Variants in BCL2 observed in about 807,000 individuals in gnomAD.
BCL2 encodes the protein apoptosis regulator Bcl-2.
A neutral mutation model predicts 14.2 loss-of-function variants in BCL2; 1 was observed. The ratio of observed to expected loss-of-function variants is 0.07; its 90% CI spans 0.02 to 0.33. The LOEUF (loss-of-function observed/expected upper bound fraction) is 0.33, where lower values mean the gene tolerates loss of function less well. Ranked by LOEUF, BCL2 falls within the 10% of genes least tolerant of loss-of-function variation. BCL2 has a pLI of 0.99. For synonymous variants in BCL2, 151 were observed against 137.2 expected, an observed-to-expected ratio of 1.10 and a Z score of -0.70; for missense variants, 247 against 305.9, an observed-to-expected ratio of 0.81 and a Z score of 1.44.
Position 63,149,842 on chromosome 18 carries a change from G to C in BCL2, c.586-21083C>G, listed in dbSNP as rs1009974347. Among the ~76,000 whole-genome samples the C allele has an allele frequency of 1.3e-5, 2 of 149,456 alleles. No homozygotes were observed. The highest frequency in any genetic ancestry group is 5.0e-5 in the African/African-American group (2 of 40,218). ...TACAGAAAGGGTTCTCCTGACATGA[G>C]GCATTTATTTATTTATTTATTTATT... On this transcript the variant is annotated intron_variant, in intron 2 of 2. Coordinates refer to ENST00000333681, the MANE Select transcript of BCL2 (RefSeq NM_000633.3). This position sits in a 1 kb window ranked among gnomAD's most constrained non-coding sequence, Gnocchi z 4.2.
At chr18:63,289,629 C>A (rs1387765216) in intron 2 of BCL2, among the ~76,000 whole-genome samples, 1 of 152,276 alleles carries the variant, frequency 6.6e-6, no homozygotes, top group Non-Finnish European at 1.5e-5. Flanking sequence ...AAGGGTGGCT[C>A]ATGCCTATAA....
At chr18:63,317,949 C>T (rs1385521022) in intron 2 of BCL2, 133 bp downstream of exon 2, 2 of 1,474,878 alleles carry the variant, frequency 1.4e-6, no homozygotes. Context: ...GTAGGGACGC[C>T]GGGAAGCAAC....
intron 2 of BCL2, among the ~76,000 whole-genome samples, chr18:63,142,822 A>C (rs73965841): frequency 0.015 from 2,336 of 152,332 alleles, 60 homozygotes; most frequent in African/African-American, 0.053. Flanking sequence ...TTTATGATTT[A>C]GTTCAGTTCA....
At chr18:63,302,879 T>G in intron 2 of BCL2, 2 of 985,376 alleles carry the variant, frequency 2.0e-6, no homozygotes, top group Non-Finnish European at 2.4e-6. Flanking sequence ...AACACTGTGC[T>G]GTTCTGGGCC....
chr18:63,266,009 ACTAT>A (rs1256308889), intron 2 of BCL2, among the ~76,000 whole-genome samples: 2 of 152,162 alleles, frequency 1.3e-5, no homozygotes, highest in African/African-American at 4.8e-5. Context: ...ACAATCTGGC[ACTAT>A]CTATCAAAAT....
intron 2 of BCL2, among the ~76,000 whole-genome samples, chr18:63,274,228 C>T (rs777030466): frequency 5.3e-5 from 8 of 151,240 alleles, no homozygotes; most frequent in Non-Finnish European, 1.0e-4. Context: ...TGCTGGTAAA[C>T]CTTAATTAGG....
chr18:63,224,358 C>A (rs770510396), intron 2 of BCL2, among the ~76,000 whole-genome samples: 2 of 151,998 alleles, frequency 1.3e-5, no homozygotes, highest in African/African-American at 2.4e-5. Context: ...GAACAGTCAT[C>A]GTGAAATTTA....
At chr18:63,274,717 G>A (rs530851462) in intron 2 of BCL2, among the ~76,000 whole-genome samples, 27 of 152,046 alleles carry the variant, frequency 1.8e-4, no homozygotes, top group East Asian at 3.9e-4. Flanking sequence ...TCCACCTGCC[G>A]CGGAGGACCT....
Position 63,132,175 on chromosome 18 carries a change from T to C in BCL2, c.586-3416A>G, listed in dbSNP as rs78541377. Reference sequence around the variant, plus strand: ...GTGTGGGTGAACCCTGGCTTTGATATTTTATTAGTTTATAACCTTCAGCAG... The same window carrying C: ...GTGTGGGTGAACCCTGGCTTTGATACTTTATTAGTTTATAACCTTCAGCAG... On this transcript the variant is annotated intron_variant, in intron 2 of 2. Coordinates refer to ENST00000333681, the MANE Select transcript of BCL2 (RefSeq NM_000633.3). 5.0e-3 allele frequency among the ~76,000 whole-genome samples: 767 copies of C among 152,334 alleles called. 7 individuals carry two copies. Among genetic ancestry groups the C allele is most frequent in the African/African-American group, 0.017 (708 of 41,562 alleles).
chr18:63,211,861 G>C (rs1198950319), intron 2 of BCL2, among the ~76,000 whole-genome samples: 4 of 152,214 alleles, frequency 2.6e-5, no homozygotes, highest in African/African-American at 9.6e-5. Context: ...GAAAATCAGG[G>C]AACACGTCAT....
At chr18:63,185,849 G>C (rs997355475) in intron 2 of BCL2, among the ~76,000 whole-genome samples, 2 of 152,180 alleles carry the variant, frequency 1.3e-5, no homozygotes, top group Non-Finnish European at 2.9e-5. Flanking sequence ...GGCAATCTGG[G>C]TCCTGAGTTT....
chr18:63,128,693 T>C lies in BCL2; in HGVS notation c.652A>G (p.Lys218Glu). Residue 218 changes from lysine (K) to glutamate (E), a missense_variant, in exon 3 of 3, where the codon AAG becomes GAG. Lys to Glu is a moderately conservative substitution (Grantham distance 56, BLOSUM62 1). Transcript: ENST00000333681. ...PLFDFSWLSLKTLLSLALVGA... is the reference protein window; with the variant it reads ...PLFDFSWLSLETLLSLALVGA... ...ACCAGGGCCAAACTGAGCAGAGTCT[T>C]CAGAGACAGCCAGGAGAAATCAAAC... 1 of 781,026 alleles carries C rather than the reference T, an allele frequency of 1.3e-6. No individual in the cohort carries two copies. The highest frequency in any genetic ancestry group is 2.4e-6 in the Non-Finnish European group (1 of 418,124). 48.4% of individuals were successfully genotyped at this position (781,026 alleles called of 1,614,324 possible).
In BCL2 at chr18:63,149,929, G is replaced by A. The variant is rs972122377; in HGVS notation, c.586-21170C>T. On this transcript the variant is annotated intron_variant, in intron 2 of 2. Transcript: ENST00000333681. This position sits in a 1 kb window ranked among gnomAD's most constrained non-coding sequence, Gnocchi z 4.2. ...CTCCCTCTGTCAGTTACCCAGGCTG[G>A]AGTGCAGTGGTGCGATCTCGGCTCA... 7.2e-5 allele frequency among the ~76,000 whole-genome samples: 11 copies of A among 151,932 alleles called. No individual in the cohort carries two copies. Among genetic ancestry groups the A allele is most frequent in the Non-Finnish European group, 1.0e-4 (7 of 68,004 alleles).
intron 2 of BCL2, among the ~76,000 whole-genome samples, chr18:63,292,378 T>G: frequency 6.6e-6 from 1 of 152,154 alleles, no homozygotes; most frequent in Admixed American, 6.5e-5. Context: ...GGATGAGACA[T>G]GTTATGATCA....
intron 2 of BCL2, among the ~76,000 whole-genome samples, chr18:63,275,263 G>A (rs535838137): frequency 2.0e-5 from 3 of 151,420 alleles, no homozygotes; most frequent in South Asian, 4.2e-4. Flanking sequence ...AATAATTTTC[G>A]ATCAAGGTTT....
chr18:63,236,641 C>T (rs377098626), intron 2 of BCL2, among the ~76,000 whole-genome samples: 2 of 152,200 alleles, frequency 1.3e-5, no homozygotes, highest in Non-Finnish European at 2.9e-5. Context: ...AGTCATCTGA[C>T]GGCTCTTCAA....
intron 2 of BCL2, among the ~76,000 whole-genome samples, chr18:63,298,168 A>G (rs1285788693): frequency 6.6e-6 from 1 of 151,744 alleles, no homozygotes; most frequent in East Asian, 1.9e-4. Flanking sequence ...GGGGTAAATG[A>G]GTGAAGGAAC....
At chr18:63,254,534 A>C (rs956897121) in intron 2 of BCL2, among the ~76,000 whole-genome samples, 2 of 151,780 alleles carry the variant, frequency 1.3e-5, no homozygotes, top group South Asian at 4.2e-4. Flanking sequence ...AAGCCTGGGC[A>C]ACAGAGCAAG....
chr18:63,311,478 A>G (rs1913317065), intron 2 of BCL2, among the ~76,000 whole-genome samples: 2 of 152,338 alleles, frequency 1.3e-5, no homozygotes, highest in South Asian at 2.1e-4. Flanking sequence ...ATTGGTCTCA[A>G]TGGAGAAAAC....
Sources: allele counts gnomAD v4.1 joint callset (sites outside exome capture counted in the v4.1 genomes callset), GRCh38; gene constraint gnomAD v4.1.1; non-coding constraint Gnocchi (gnomAD v3.1); transcripts MANE v1.5; gene names NCBI Gene and HGNC (gene_info 2026-07-23, HGNC 2026-07-21).